Variants in MAP2K6 observed in about 807,000 individuals in gnomAD.
MAP2K6 encodes the protein mitogen-activated protein kinase kinase 6.
Under a neutral mutation model 53.7 loss-of-function variants are expected in MAP2K6, and 16 were observed. The observed-to-expected ratio is 0.30, with a 90% confidence interval of 0.20 to 0.45. The LOEUF (loss-of-function observed/expected upper bound fraction) is 0.45. Ranked by LOEUF, MAP2K6 falls within the 20% of genes least tolerant of loss-of-function variation. MAP2K6 has a pLI of 1.00. For missense variants in MAP2K6, 204 were observed against 411.9 expected (o/e 0.50, Z 4.37); for synonymous variants, 132 against 143.1 (o/e 0.92, Z 0.55).
At chr17:69,423,910 T>G (rs1050632957) in intron 1 of MAP2K6, among the ~76,000 whole-genome samples, 7 of 152,204 alleles carry the variant, frequency 4.6e-5, no homozygotes, top group African/African-American at 1.7e-4. Flanking sequence ...TCATCACTTT[T>G]CATGGCAAAA....
chr17:69,502,307 A>G (rs1909209786), intron 1 of MAP2K6: 2 of 985,480 alleles, frequency 2.0e-6, no homozygotes, highest in African/African-American at 1.7e-5. Flanking sequence ...AGCTAAGTGA[A>G]GAATGACTTC....
chr17:69,460,285 G>A (rs1169741625), intron 1 of MAP2K6, among the ~76,000 whole-genome samples: 2 of 152,142 alleles, frequency 1.3e-5, no homozygotes, highest in Non-Finnish European at 2.9e-5. Context: ...GAGAAAGGGT[G>A]GAAACTCATA....
At chr17:69,482,618 A>T (rs1908387005) in intron 1 of MAP2K6, among the ~76,000 whole-genome samples, 1 of 152,004 alleles carries the variant, frequency 6.6e-6, no homozygotes. Context: ...CATAAAAAAA[A>T]CTTCTACATT....
chr17:69,460,301 A>T (rs942623617), intron 1 of MAP2K6, among the ~76,000 whole-genome samples: 7 of 152,202 alleles, frequency 4.6e-5, no homozygotes, highest in Non-Finnish European at 1.0e-4. Flanking sequence ...TCATATTAGA[A>T]GGACAGGTGC....
At chr17:69,459,090 C>T (rs1338121976) in intron 1 of MAP2K6, among the ~76,000 whole-genome samples, 2 of 152,160 alleles carry the variant, frequency 1.3e-5, no homozygotes, top group Non-Finnish European at 2.9e-5. Flanking sequence ...TGCCAGCCCC[C>T]AGGGTAGGAA....
intron 1 of MAP2K6, among the ~76,000 whole-genome samples, chr17:69,428,858 GTTTTTGT>G (rs1906356121): frequency 1.3e-5 from 1 of 77,618 alleles, no homozygotes; most frequent in African/African-American, 8.6e-5. Flanking sequence ...TTCTGTTTTT[GTTTTTGT>G]TTTTTTTTTT....
chr17:69,435,623 T>C (rs1265753463), intron 1 of MAP2K6: 1 of 152,082 alleles, frequency 6.6e-6, no homozygotes, highest in Non-Finnish European at 1.5e-5. Context: ...AAGAACAGCA[T>C]TGGCTTTGTG....
intron 1 of MAP2K6, among the ~76,000 whole-genome samples, chr17:69,498,629 CCACACACACACACCTGGAAGCCACACACA>C (rs1249458955): frequency 3.4e-5 from 5 of 146,206 alleles, no homozygotes; most frequent in Non-Finnish European, 7.5e-5. Flanking sequence ...CGCCTGGAAG[CCACACACACACACCTGGAAGCCACACACA>C]CACACACACA....
intron 10 of MAP2K6, among the ~76,000 whole-genome samples, chr17:69,527,853 C>T (rs981738904): frequency 1.3e-5 from 2 of 152,094 alleles, no homozygotes; most frequent in Admixed American, 6.5e-5. Context: ...AGGGCACCCG[C>T]GCCTGTAATC....
At position 69,533,734 on chromosome 17, in the gene MAP2K6, TG is replaced by T. The variant is rs1180980712; in HGVS notation, c.882-2380del. ...GGAAATTCAGGGCTTCTAGCCTGTT[TG>T]TTTTTTTTTTTTTTTTTTACCAGGG... is the stretch of plus-strand genomic sequence containing the variant. On this transcript the variant is annotated intron_variant, in intron 10 of 11. Transcript: ENST00000590474. Among the ~76,000 whole-genome samples, 797 of 120,106 alleles carry T rather than the reference TG, an allele frequency of 6.6e-3. 5 individuals carry two copies. The highest frequency in any genetic ancestry group is 9.2e-3 in the Non-Finnish European group (531 of 57,768). 78.8% of individuals were successfully genotyped at this position (120,106 alleles called of 152,430 possible).
At chr17:69,536,194 C>T in intron 11 of MAP2K6, 34 bp downstream of exon 11, 1 of 1,552,476 alleles carries the variant, frequency 6.4e-7, no homozygotes, top group Non-Finnish European at 8.8e-7. Context: ...CATGACTATA[C>T]TGATAGCTAC....
At chr17:69,500,508 G>C (rs931399196) in intron 1 of MAP2K6, among the ~76,000 whole-genome samples, 1 of 142,898 alleles carries the variant, frequency 7.0e-6, no homozygotes, top group Non-Finnish European at 1.5e-5. Flanking sequence ...TATAATCCCA[G>C]CACTTTGGGA....
rs1912039488 is a variant in MAP2K6 at position 69,550,260 on chromosome 17, T to C, written c.*8507T>C. On this transcript the variant is annotated 3_prime_UTR_variant, in exon 12 of 12. Coordinates refer to ENST00000590474, the MANE Select transcript of MAP2K6 (RefSeq NM_002758.4). Reference sequence around the variant, plus strand: ...TGATGGTTGAGAAAAAGGAACGATATGCCTAAAGCATTTTGAGAATATACC... The same window carrying C: ...TGATGGTTGAGAAAAAGGAACGATACGCCTAAAGCATTTTGAGAATATACC... The C allele has an allele frequency of 6.6e-6, 1 of 152,192 alleles. No homozygotes were observed. Among genetic ancestry groups the C allele is most frequent in the Non-Finnish European group, 1.5e-5 (1 of 68,022 alleles). The allele number at this position is 152,192 out of a possible 1,614,324, so 9.4% of individuals were successfully genotyped here. A position where few individuals can be genotyped will look rare whatever the true frequency, so the allele number is the denominator to read the frequency against.
At chr17:69,478,692 A>G (rs528381871) in intron 1 of MAP2K6, among the ~76,000 whole-genome samples, 122 of 152,294 alleles carry the variant, frequency 8.0e-4, no homozygotes, top group African/African-American at 2.9e-3. Flanking sequence ...CCCAAAGTGC[A>G]GGGATTACAG....
At chr17:69,482,826 G>A (rs1009986131) in intron 1 of MAP2K6, among the ~76,000 whole-genome samples, 10 of 152,012 alleles carry the variant, frequency 6.6e-5, no homozygotes, top group African/African-American at 2.2e-4. Context: ...GGGACAAAAG[G>A]ACTATGCATT....
At chr17:69,534,020 G>T (rs1911227709) in intron 10 of MAP2K6, among the ~76,000 whole-genome samples, 1 of 152,194 alleles carries the variant, frequency 6.6e-6, no homozygotes, top group African/African-American at 2.4e-5. Context: ...CTGCACTCAT[G>T]ACATTTTGGG....
intron 1 of MAP2K6, among the ~76,000 whole-genome samples, chr17:69,483,420 T>G (rs1206076644): frequency 6.6e-6 from 1 of 152,100 alleles, no homozygotes. Flanking sequence ...TCTTATACTC[T>G]GAAAGCTACA....
intron 1 of MAP2K6, among the ~76,000 whole-genome samples, chr17:69,467,092 C>T (rs1413110288): frequency 6.8e-6 from 1 of 147,140 alleles, no homozygotes; most frequent in Non-Finnish European, 1.6e-5. Context: ...ATCTCAGCGG[C>T]TCCCATTCTA....
At chr17:69,466,803 C>A (rs1466550553) in intron 1 of MAP2K6, among the ~76,000 whole-genome samples, 1 of 152,200 alleles carries the variant, frequency 6.6e-6, no homozygotes, top group African/African-American at 2.4e-5. Flanking sequence ...CACTTAAGGC[C>A]TGTTCCAGGT....
Sources: allele counts gnomAD v4.1 joint callset (sites outside exome capture counted in the v4.1 genomes callset), GRCh38; gene constraint gnomAD v4.1.1; transcripts MANE v1.5; gene names NCBI Gene and HGNC (gene_info 2026-07-23, HGNC 2026-07-21).